ZNF611: variants seen among roughly 807,000 people sequenced by gnomAD.
The protein encoded by ZNF611 is zinc finger protein 611.
Under a neutral mutation model 8.9 loss-of-function variants are expected in ZNF611, and 6 were observed. The ratio of observed to expected loss-of-function variants is 0.68; its 90% CI spans 0.37 to 1.34. The LOEUF is 1.34. Ranked by LOEUF, ZNF611 falls within the 40% of genes most tolerant of loss-of-function variation. ZNF611 has a pLI of 0.02. For missense variants in ZNF611, 874 were observed against 841.3 expected, an observed-to-expected ratio of 1.04 and a Z score of -0.48; for synonymous variants, 262 against 279.7, an observed-to-expected ratio of 0.94 and a Z score of 0.63.
In ZNF611 at chr19:52,704,112, G is replaced by C. The variant is rs2062223569; in HGVS notation, c.*825C>G. 1 of 301,234 alleles carries C rather than the reference G, an allele frequency of 3.3e-6. No individual in the cohort carries two copies. The highest frequency in any genetic ancestry group is 4.6e-5 in the Admixed American group (1 of 21,558). 18.7% of individuals were successfully genotyped at this position (301,234 alleles called of 1,614,324 possible). ...GCCTCCCGACGTGCTGGGATTACAGGTCGGAGCCACCACACCTGGCCCCAT... is the reference window on the plus strand; with the variant it reads ...GCCTCCCGACGTGCTGGGATTACAGCTCGGAGCCACCACACCTGGCCCCAT... On this transcript the variant is annotated 3_prime_UTR_variant, in exon 6 of 6. Transcript: ENST00000652185.
rs1402552895 is a variant in ZNF611, at chr19:52,704,524, G to C, written c.*413C>G. The C allele has an allele frequency of 2.5e-5, 29 of 1,147,438 alleles. No homozygotes were observed. Among genetic ancestry groups the C allele is most frequent in the Non-Finnish European group, 3.6e-5 (28 of 772,034 alleles). 71.1% of individuals were successfully genotyped at this position (1,147,438 alleles called of 1,614,324 possible). ...CTTGGCACAGTCATGACATTTGTAAGGTTTCTCTCCAGTATGAGTTCACCG... is the reference window on the plus strand; with the variant it reads ...CTTGGCACAGTCATGACATTTGTAACGTTTCTCTCCAGTATGAGTTCACCG... On this transcript the variant is annotated 3_prime_UTR_variant, in exon 6 of 6. Transcript: ENST00000652185.
rs2062231385 is a variant in ZNF611, at chr19:52,705,175, C to T, written c.1880G>A (p.Cys627Tyr). Residue 627 changes from cysteine (C) to tyrosine (Y), a missense_variant, in exon 6 of 6, where the codon TGT (cysteine) becomes TAT (tyrosine). By Grantham distance (194) the Cys-to-Tyr change is radical. Coordinates refer to ENST00000652185, the MANE Select transcript of ZNF611 (RefSeq NM_001161499.2). Reference sequence around the variant, plus strand: ...TGAGCAGTGACGGAAGGTATTGCCACACTCATTACACTTGTAAGGTTTCTC... The same window carrying T: ...TGAGCAGTGACGGAAGGTATTGCCATACTCATTACACTTGTAAGGTTTCTC... The part of the protein sequence containing the change: ...SGEKPYKCNE[C>Y]GNTFRHCSSL... 2 of 1,614,076 alleles carry T rather than the reference C, an allele frequency of 1.2e-6. No individual in the cohort carries two copies. Among genetic ancestry groups the T allele is most frequent in the Admixed American group, 1.7e-5 (1 of 59,986 alleles).
At chr19:52,729,096 G>A (rs2062409342) in intron 2 of ZNF611, among the ~76,000 whole-genome samples, 1 of 152,092 alleles carries the variant, frequency 6.6e-6, no homozygotes, top group Non-Finnish European at 1.5e-5. Context: ...AGTAAGGACT[G>A]TTTTTCCACT....
At chr19:52,719,891 T>C (rs1298933722) in intron 3 of ZNF611, among the ~76,000 whole-genome samples, 4 of 152,110 alleles carry the variant, frequency 2.6e-5, no homozygotes, top group African/African-American at 9.7e-5. Flanking sequence ...AGGTCTCTGG[T>C]TTTCCTAGGC....
At chr19:52,731,703 G>A (rs906503426) in intron 1 of ZNF611, among the ~76,000 whole-genome samples, 1 of 152,068 alleles carries the variant, frequency 6.6e-6, no homozygotes, top group Non-Finnish European at 1.5e-5. Flanking sequence ...AGGCGTGGTG[G>A]CTTACGCCCG....
intron 3 of ZNF611, among the ~76,000 whole-genome samples, chr19:52,718,281 A>C (rs908044358): frequency 1.1e-4 from 17 of 152,156 alleles, no homozygotes; most frequent in African/African-American, 4.1e-4. Context: ...TGAAGGTTGC[A>C]GTGAGACGAG....
At position 52,704,384 on chromosome 19, in the gene ZNF611, G is replaced by A. The variant is rs1280703271; in HGVS notation, c.*553C>T. 21 of 649,884 alleles carry A rather than the reference G, an allele frequency of 3.2e-5. No homozygotes were observed. The allele number at this position is 649,884 out of a possible 1,614,324, so 40.3% of individuals were successfully genotyped here. ...TTCTGTCCAGTATAGATTCTCTGAT[G>A]TCTAATGACGTGTGAACGTGAAGCA... On this transcript the variant is annotated 3_prime_UTR_variant, in exon 6 of 6. Coordinates refer to ENST00000652185, the MANE Select transcript of ZNF611 (RefSeq NM_001161499.2).
At chr19:52,718,946 G>A (rs1192813032) in intron 3 of ZNF611, among the ~76,000 whole-genome samples, 1 of 152,216 alleles carries the variant, frequency 6.6e-6, no homozygotes, top group East Asian at 1.9e-4. Flanking sequence ...GCCAAGGCGG[G>A]TGGATCACGG....
rs1408132804 is a variant in ZNF611, at chr19:52,729,934, C to T, written c.-150G>A. 6.6e-6 allele frequency: 1 copy of T among 152,144 alleles called. No individual in the cohort carries two copies. Among genetic ancestry groups the T allele is most frequent in the African/African-American group, 2.4e-5 (1 of 41,418 alleles). The allele number at this position is 152,144 out of a possible 1,614,324, so 9.4% of individuals were successfully genotyped here. A position where few individuals can be genotyped will look rare whatever the true frequency, so the allele number is the denominator to read the frequency against. On this transcript the variant is annotated 5_prime_UTR_variant, in exon 2 of 6. In the 5' UTR this introduces an upstream ATG that the reference lacks. Coordinates refer to ENST00000652185, the MANE Select transcript of ZNF611 (RefSeq NM_001161499.2). ...GTCGGAGGGTGCAATTATGATGTCA[C>T]AGGTACAGCTGCATATCACCAGGCA...
At chr19:52,721,828 G>C (rs553452230) in intron 3 of ZNF611, among the ~76,000 whole-genome samples, 3 of 151,972 alleles carry the variant, frequency 2.0e-5, no homozygotes, top group Admixed American at 1.3e-4. Context: ...GCAATGATGC[G>C]ATCTCAGCTC....
At chr19:52,722,884 T>C (rs2062368410) in intron 3 of ZNF611, among the ~76,000 whole-genome samples, 1 of 150,154 alleles carries the variant, frequency 6.7e-6, no homozygotes, top group Non-Finnish European at 1.5e-5. Flanking sequence ...GTGCACATTA[T>C]CATGCCTGGT....
At chr19:52,721,946 G>C (rs1466707649) in intron 3 of ZNF611, among the ~76,000 whole-genome samples, 1 of 152,096 alleles carries the variant, frequency 6.6e-6, no homozygotes, top group Non-Finnish European at 1.5e-5. Flanking sequence ...TACTCAGGGG[G>C]TAGTATCGCA....
Position 52,714,040 on chromosome 19 carries a change from C to T in ZNF611, c.165G>A (p.Glu55=), listed in dbSNP as rs1415773407. ...CCACAGCCTCCAGGTTCCTGTAGTT[C>T]TCCAACATCACTTCCCTGTACAAAG... ...QRALYREVML[E]NYRNLEAVDI... The change falls in exon 5 of 6, where the codon GAG becomes GAA. Residue 55 remains glutamate, a synonymous_variant. Coordinates refer to ENST00000652185, the MANE Select transcript of ZNF611 (RefSeq NM_001161499.2). 3.1e-6 allele frequency: 5 copies of T among 1,614,142 alleles called. No homozygotes were observed. The highest frequency in any genetic ancestry group is 3.4e-6 in the Non-Finnish European group (4 of 1,180,022).
In ZNF611 at chr19:52,704,643, A is replaced by T; in HGVS notation, c.*294T>A. ...CATTATGGATTCTCCAATGATTTGT[A>T]ATCGTTGTAGCATTACTGAAGACTT... On this transcript the variant is annotated 3_prime_UTR_variant, in exon 6 of 6. Coordinates refer to ENST00000652185, the MANE Select transcript of ZNF611 (RefSeq NM_001161499.2). 3.8e-6 allele frequency: 6 copies of T among 1,588,906 alleles called. No homozygotes were observed. The highest frequency in any genetic ancestry group is 5.2e-6 in the Non-Finnish European group (6 of 1,158,154).
chr19:52,726,246 A>C (rs1049762573), intron 3 of ZNF611, among the ~76,000 whole-genome samples: 2 of 152,088 alleles, frequency 1.3e-5, no homozygotes, highest in Non-Finnish European at 2.9e-5. Context: ...GCCTAAACGC[A>C]GCAGGGATGC....
intron 5 of ZNF611, among the ~76,000 whole-genome samples, 168 bp downstream of exon 5, chr19:52,713,847 T>C (rs1478963624): frequency 3.9e-5 from 6 of 151,974 alleles, no homozygotes; most frequent in Admixed American, 3.9e-4. Flanking sequence ...GCCAAGATCA[T>C]ACCATTGCAC....
chr19:52,713,115 G>A (rs1451921962), intron 5 of ZNF611, among the ~76,000 whole-genome samples: 1 of 152,134 alleles, frequency 6.6e-6, no homozygotes, highest in Non-Finnish European at 1.5e-5. Flanking sequence ...AGAGTCGCTT[G>A]AACCCAAAAG....
chr19:52,705,119 C>T lies in ZNF611; in HGVS notation c.1936G>A (p.Gly646Arg), dbSNP rs1469127763. 3 of 1,614,010 alleles carry T rather than the reference C, an allele frequency of 1.9e-6. No homozygotes were observed. The highest frequency in any genetic ancestry group is 2.5e-6 in the Non-Finnish European group (3 of 1,180,034). ...ATTGTACATTTGTAAGATTTCTCTC[C>T]AGTATGAAGTCTACGATGGTATATA... Reference protein sequence around the residue: ...SLIYHRRLHTGEKSYKCTICD... With the variant: ...SLIYHRRLHTREKSYKCTICD... The change falls in exon 6 of 6, where the codon GGA (glycine) becomes AGA (arginine). Residue 646 changes from glycine to arginine, a missense_variant. Gly to Arg is a moderately radical substitution (Grantham distance 125). Transcript: ENST00000652185.
At chr19:52,734,405 C>T (rs1600342168) in intron 1 of ZNF611, among the ~76,000 whole-genome samples, 1 of 152,110 alleles carries the variant, frequency 6.6e-6, no homozygotes, top group Non-Finnish European at 1.5e-5. Flanking sequence ...CCTGGAGCTC[C>T]GCAGGCAAGA....
Sources: gnomAD v4.1 joint callset for allele counts (sites outside exome capture counted in the v4.1 genomes callset) on GRCh38, gnomAD v4.1.1 for gene constraint, MANE v1.5 for transcripts, NCBI Gene and HGNC (gene_info 2026-07-23, HGNC 2026-07-21) for gene names.